Variants in TOM1L1 observed in about 807,000 individuals in gnomAD.
TOM1L1 encodes the protein TOM1-like protein 1.
In TOM1L1, 64 loss-of-function variants were observed where a neutral mutation model predicts 63.4. That is an observed-to-expected ratio of 1.01 (90% CI 0.83 to 1.24). TOM1L1 has a LOEUF of 1.24. TOM1L1 is among the 50% of genes most tolerant of loss of function. The pLI, the probability that TOM1L1 is intolerant of heterozygous loss-of-function variation, is 0.00. For missense variants in TOM1L1, 536 were observed against 567.0 expected (o/e 0.95, Z 0.55); for synonymous variants, 166 against 194.4 (o/e 0.85, Z 1.22).
chr17:54,914,310 A>G (rs1190666611), intron 5 of TOM1L1, among the ~76,000 whole-genome samples: 1 of 151,930 alleles, frequency 6.6e-6, no homozygotes, highest in Non-Finnish European at 1.5e-5. Context: ...TTTGTTATTA[A>G]CAACCCAAAG....
chr17:54,904,253 C>T (rs954336170), intron 2 of TOM1L1, among the ~76,000 whole-genome samples: 1 of 151,792 alleles, frequency 6.6e-6, no homozygotes, highest in African/African-American at 2.4e-5. Flanking sequence ...GCCTGTAGTA[C>T]CAGCTACTTG....
intron 1 of TOM1L1, among the ~76,000 whole-genome samples, chr17:54,902,338 G>A (rs2048340133): frequency 6.6e-6 from 1 of 152,156 alleles, no homozygotes; most frequent in Non-Finnish European, 1.5e-5. Context: ...GTGACACCCA[G>A]GCTGGAGTGC....
chr17:54,946,038 G>A (rs2049112728), intron 11 of TOM1L1, among the ~76,000 whole-genome samples: 1 of 152,162 alleles, frequency 6.6e-6, no homozygotes, highest in South Asian at 2.1e-4. Context: ...TAAACAACCT[G>A]GCTAGATTCA....
At chr17:54,914,581 T>C in intron 5 of TOM1L1, 58 bp from the exon 6 acceptor site, 1 of 1,409,112 alleles carries the variant, frequency 7.1e-7, no homozygotes, top group Non-Finnish European at 1.0e-6. Context: ...GGAAAAAACT[T>C]GGCGTTGGGT....
At chr17:54,955,328 A>G (rs2049443788) in intron 14 of TOM1L1, among the ~76,000 whole-genome samples, 1 of 152,148 alleles carries the variant, frequency 6.6e-6, no homozygotes, top group Non-Finnish European at 1.5e-5. Flanking sequence ...AGGTAGGTAA[A>G]TCAATCAAGT....
At chr17:54,910,317 A>G (rs567037736) in intron 3 of TOM1L1, among the ~76,000 whole-genome samples, 2 of 152,246 alleles carry the variant, frequency 1.3e-5, no homozygotes, top group African/African-American at 4.8e-5. Context: ...TTAGCTGGGC[A>G]TGGTGGTGCA....
intron 7 of TOM1L1, among the ~76,000 whole-genome samples, chr17:54,917,769 A>T (rs2048615624): frequency 6.6e-6 from 1 of 152,136 alleles, no homozygotes; most frequent in South Asian, 2.1e-4. Flanking sequence ...TGAAGGGAGG[A>T]TGTAATTGCT....
At chr17:54,926,709 A>G (rs1467444847) in intron 7 of TOM1L1, among the ~76,000 whole-genome samples, 1 of 152,076 alleles carries the variant, frequency 6.6e-6, no homozygotes, top group Non-Finnish European at 1.5e-5. Context: ...TGTCTTTACC[A>G]TTCAGAAATG....
At position 54,960,840 on chromosome 17, in the gene TOM1L1, T is replaced by C. The variant is rs77134514; in HGVS notation, c.*1+213T>C. ...TTTCTCATCTGTAAATAGTAAGGCT[T>C]GGGAATACAGTAGTTTATGGTATAG... is the stretch of plus-strand genomic sequence containing the variant. On this transcript the variant is annotated intron_variant, in intron 15 of 15. Transcript: ENST00000575882. Among the ~76,000 whole-genome samples the C allele has an allele frequency of 8.3e-3, 1,261 of 152,284 alleles. 9 individuals are homozygous for C. The highest frequency in any genetic ancestry group is 0.048 in the Middle Eastern group (14 of 294).
At chr17:54,955,132 C>T (rs2049431478) in intron 14 of TOM1L1, 1 of 152,132 alleles carries the variant, frequency 6.6e-6, no homozygotes, top group South Asian at 2.1e-4. Context: ...TGACACAAAT[C>T]CCACAACTCA....
At position 54,913,732 on chromosome 17, in the gene TOM1L1, C is replaced by T. The variant is rs1555608093; in HGVS notation, c.373-16C>T. On this transcript the variant is annotated splice_polypyrimidine_tract_variant and intron_variant, in intron 4 of 15. Coordinates refer to ENST00000575882, the MANE Select transcript of TOM1L1 (RefSeq NM_005486.3). ...GCTGTTTTAACTCTGGAACTTTTTT[C>T]ATCTCTTGAATTCAGACTTGGTCAC... 5 of 1,527,264 alleles carry T rather than the reference C, an allele frequency of 3.3e-6. No homozygotes were observed. The highest frequency in any genetic ancestry group is 1.4e-5 in the African/African-American group (1 of 70,124). The allele number at this position is 1,527,264 out of a possible 1,614,324, so 94.6% of individuals were successfully genotyped here.
intron 7 of TOM1L1, among the ~76,000 whole-genome samples, chr17:54,921,826 G>A (rs547617208): frequency 4.6e-5 from 7 of 152,306 alleles, no homozygotes; most frequent in Admixed American, 6.5e-5. Context: ...ACCCCACAGT[G>A]TAGTTGAAAA....
chr17:54,901,082 C>A, intron 1 of TOM1L1, 159 bp downstream of exon 1: 1 of 966,308 alleles, frequency 1.0e-6, no homozygotes, highest in South Asian at 1.6e-5. Flanking sequence ...TTCCACCCGG[C>A]CCCCTTTCGT....
chr17:54,958,957 C>G (rs2077034648), intron 14 of TOM1L1, among the ~76,000 whole-genome samples: 1 of 152,042 alleles, frequency 6.6e-6, no homozygotes, highest in Non-Finnish European at 1.5e-5. Context: ...CAGGAATAGA[C>G]AGGATCACAG....
At chr17:54,924,404 C>T (rs1373578267) in intron 7 of TOM1L1, among the ~76,000 whole-genome samples, 2 of 151,754 alleles carry the variant, frequency 1.3e-5, no homozygotes, top group African/African-American at 4.8e-5. Flanking sequence ...CTCAGCCTCC[C>T]GAGTAGCTGG....
At chr17:54,913,178 G>A (rs1371735965) in intron 4 of TOM1L1, among the ~76,000 whole-genome samples, 2 of 152,160 alleles carry the variant, frequency 1.3e-5, no homozygotes, top group African/African-American at 4.8e-5. Context: ...TGGATTCAGA[G>A]CAGCAAAAAA....
chr17:54,930,041 G>A (rs752409194), intron 7 of TOM1L1, 32 bp from the exon 8 acceptor site: 6 of 1,613,368 alleles, frequency 3.7e-6, no homozygotes, highest in Non-Finnish European at 5.1e-6. Context: ...TTCCAAGTGT[G>A]GAAGAAGAAA....
intron 4 of TOM1L1, 44 bp from the exon 5 acceptor site, chr17:54,913,704 G>A (rs1219639940): frequency 7.1e-7 from 1 of 1,409,328 alleles, no homozygotes. Context: ...TTTTGGTTTT[G>A]TTGCTGTTTT....
In TOM1L1 at chr17:54,903,791, G is replaced by A. The variant is rs761872919; in HGVS notation, c.142G>A (p.Gly48Arg). 5 of 1,613,686 alleles carry A rather than the reference G, an allele frequency of 3.1e-6. No homozygotes were observed. The highest frequency in any genetic ancestry group is 1.3e-5 in the African/African-American group (1 of 74,926). Residue 48 changes from glycine to arginine, a missense_variant and splice_region_variant, in exon 2 of 16, where the codon GGG becomes AGG. Physicochemically the swap from Gly to Arg is moderately radical, Grantham distance 125. Coordinates refer to ENST00000575882, the MANE Select transcript of TOM1L1 (RefSeq NM_005486.3). ...TGACATAATTAACACTACCCAGGAT[G>A]GGTGAGTACAGCATGGTTTCCATGT... ...ICDIINTTQDGPKDAVKALKK... is the reference protein window; with the variant it reads ...ICDIINTTQDRPKDAVKALKK...
Sources: allele counts gnomAD v4.1 joint callset (sites outside exome capture counted in the v4.1 genomes callset), GRCh38; gene constraint gnomAD v4.1.1; transcripts MANE v1.5; gene names NCBI Gene and HGNC (gene_info 2026-07-23, HGNC 2026-07-21).